The following DENND1B variants were observed in gnomAD, a reference collection of about 807,000 sequenced individuals.
DENND1B encodes the protein DENN domain containing 1B, also known as DENN domain-containing protein 1B.
Under a neutral mutation model 90.1 loss-of-function variants are expected in DENND1B, and 59 were observed. The observed-to-expected ratio is 0.65, with a 90% CI of 0.53 to 0.81. The LOEUF (loss-of-function observed/expected upper bound fraction) is 0.81. DENND1B is among the 40% of genes least tolerant of loss of function. The pLI, the probability that DENND1B is intolerant of heterozygous loss-of-function variation, is 0.00. For synonymous variants in DENND1B, 337 were observed against 324.6 expected, an observed-to-expected ratio of 1.04 and a Z score of -0.41; for missense variants, 862 against 912.6, an observed-to-expected ratio of 0.94 and a Z score of 0.71.
At chr1:197,730,117 T>C (rs889624821) in intron 2 of DENND1B, among the ~76,000 whole-genome samples, 1 of 152,134 alleles carries the variant, frequency 6.6e-6, no homozygotes, top group African/African-American at 2.4e-5. Context: ...TTTTTATGTA[T>C]GGTATAAAAC....
intron 3 of DENND1B, among the ~76,000 whole-genome samples, chr1:197,702,812 T>C (rs1659169096): frequency 6.6e-6 from 1 of 152,204 alleles, no homozygotes; most frequent in South Asian, 2.1e-4. Flanking sequence ...GTTGTTGTTT[T>C]CCTGTAAGAC....
At chr1:197,714,751 TATAG>T (rs1393351995) in intron 3 of DENND1B, among the ~76,000 whole-genome samples, 1 of 152,126 alleles carries the variant, frequency 6.6e-6, no homozygotes, top group Admixed American at 6.5e-5. Context: ...ATATATAGTC[TATAG>T]ATAAATTAAA....
chr1:197,730,003 A>G (rs930883971), intron 2 of DENND1B, among the ~76,000 whole-genome samples: 3 of 152,106 alleles, frequency 2.0e-5, no homozygotes, highest in Non-Finnish European at 4.4e-5. Context: ...TTCTGACCTC[A>G]CAGAACTCCT....
At chr1:197,573,029 T>C (rs1020620327) in intron 15 of DENND1B, among the ~76,000 whole-genome samples, 2 of 152,148 alleles carry the variant, frequency 1.3e-5, no homozygotes, top group South Asian at 2.1e-4. Context: ...TTCTTCTCTC[T>C]TTTTTTCTTT....
chr1:197,522,942 G>C lies in DENND1B; in HGVS notation c.1516-9989C>G, dbSNP rs554280457. 1.1e-4 allele frequency among the ~76,000 whole-genome samples: 16 copies of C among 152,258 alleles called. No individual in the cohort carries two copies. The South Asian group carries it at 3.3e-3, about 32-fold the overall frequency. On this transcript the variant is annotated intron_variant, in intron 20 of 22. Transcript: ENST00000620048. The stretch of plus-strand genomic sequence containing the variant: ...TGGGCTAACATGTCAGCTTAGAATA[G>C]CTGAGCGTCTCAAAGACAGGGGGAG...
intron 3 of DENND1B, among the ~76,000 whole-genome samples, chr1:197,674,499 T>A (rs1655858317): frequency 6.6e-6 from 1 of 152,176 alleles, no homozygotes; most frequent in African/African-American, 2.4e-5. Context: ...AAGCTACGTC[T>A]GCTGCTACTT....
At position 197,511,775 on chromosome 1, in the gene DENND1B, T is replaced by C; in HGVS notation, c.1768A>G (p.Ser590Gly). The C allele has an allele frequency of 6.2e-7, 1 of 1,610,826 alleles. No individual in the cohort carries two copies. Among genetic ancestry groups the C allele is most frequent in the Non-Finnish European group, 8.5e-7 (1 of 1,177,996 alleles). The change falls in exon 22 of 23, where the codon AGC becomes GGC. Residue 590 changes from serine (S) to glycine (G), a missense_variant. By Grantham distance (56) the Ser-to-Gly change is moderately conservative. Transcript: ENST00000620048. ...SDQGKLAAAK[S>G]LDFFRSMDDI... is the part of the protein sequence containing the mutation. ...TCCATTGATCTAAAGAAATCCAAGCTCTTTGCAGCTGCCAGCTTCCCCTGA... is the reference window on the plus strand; with the variant it reads ...TCCATTGATCTAAAGAAATCCAAGCCCTTTGCAGCTGCCAGCTTCCCCTGA...
At chr1:197,542,696 G>A (rs1321566740) in intron 18 of DENND1B, among the ~76,000 whole-genome samples, 1 of 152,042 alleles carries the variant, frequency 6.6e-6, no homozygotes, top group Non-Finnish European at 1.5e-5. Flanking sequence ...GGTCAAAGAA[G>A]GAATTTCAGA....
In DENND1B at chr1:197,770,250, ATTTACAACT is replaced by A. The variant is rs138661971; in HGVS notation, c.82+2609_82+2617del. 4.0e-3 allele frequency among the ~76,000 whole-genome samples: 612 copies of A among 152,288 alleles called. 2 individuals are homozygous for A. The highest frequency in any genetic ancestry group is 6.8e-3 in the Non-Finnish European group (463 of 68,000). On this transcript the variant is annotated intron_variant, in intron 2 of 22. Coordinates refer to ENST00000620048, the MANE Select transcript of DENND1B (RefSeq NM_001195215.2). ...ATTATTTACTTTAACCATTTATCAT[ATTTACAACT>A]TTACCAGGCTAGATATAAACTGTTA...
At chr1:197,655,532 C>CT (rs766590749) in intron 6 of DENND1B, among the ~76,000 whole-genome samples, 4,423 of 142,244 alleles carry the variant, frequency 0.031, 84 homozygotes, top group Non-Finnish European at 0.035. Flanking sequence ...GCTACATTAA[C>CT]TTTTTTTTTT....
intron 2 of DENND1B, among the ~76,000 whole-genome samples, chr1:197,717,802 G>A (rs530598315): frequency 6.6e-6 from 1 of 151,988 alleles, no homozygotes; most frequent in South Asian, 2.1e-4. Flanking sequence ...GAATACCAGT[G>A]TGATTCTACT....
At chr1:197,712,749 C>A (rs371996427) in intron 3 of DENND1B, among the ~76,000 whole-genome samples, 1 of 734 alleles carries the variant, frequency 1.4e-3, no homozygotes, top group African/African-American at 9.8e-3. Flanking sequence ...TAATTAAACT[C>A]AAGAGCTTCT....
At chr1:197,656,246 A>G (rs1027405250) in intron 6 of DENND1B, among the ~76,000 whole-genome samples, 9 of 152,044 alleles carry the variant, frequency 5.9e-5, no homozygotes, top group African/African-American at 2.2e-4. Context: ...ATAACACCAA[A>G]ATTTTAGGTG....
chr1:197,631,206 A>G (rs1458695199), intron 10 of DENND1B, among the ~76,000 whole-genome samples: 1 of 152,096 alleles, frequency 6.6e-6, no homozygotes, highest in Non-Finnish European at 1.5e-5. Context: ...ATTCTGGAGG[A>G]TGAAGGGTTA....
chr1:197,751,331 CG>C (rs1216585886), intron 2 of DENND1B, among the ~76,000 whole-genome samples: 1 of 152,078 alleles, frequency 6.6e-6, no homozygotes, highest in African/African-American at 2.4e-5. Context: ...AAATAACCCA[CG>C]GATCAAGAAA....
At chr1:197,775,892 T>C (rs918863273), upstream of DENND1B, among the ~76,000 whole-genome samples, 6 of 152,204 alleles carry the variant, frequency 3.9e-5, no homozygotes, top group African/African-American at 1.2e-4. Context: ...CCCCTGGCTC[T>C]TGCGTCACTC....
chr1:197,776,957 A>G (rs545619948), upstream of DENND1B, among the ~76,000 whole-genome samples: 2 of 152,354 alleles, frequency 1.3e-5, no homozygotes, highest in East Asian at 3.9e-4. Context: ...ATGTTCAAGT[A>G]AAACAGGTGC....
chr1:197,610,503 T>C (rs1257663345), intron 12 of DENND1B, among the ~76,000 whole-genome samples: 1 of 150,670 alleles, frequency 6.6e-6, no homozygotes, highest in Non-Finnish European at 1.5e-5. Context: ...TAAATATTTT[T>C]CATCTCTATA....
intron 2 of DENND1B, among the ~76,000 whole-genome samples, chr1:197,733,273 CA>C (rs929026378): frequency 1.1e-4 from 16 of 151,250 alleles, no homozygotes; most frequent in Middle Eastern, 3.4e-3. Context: ...AGAATAAGCA[CA>C]AAAAAAAATT....
Sources: gnomAD v4.1 joint callset for allele counts (sites outside exome capture counted in the v4.1 genomes callset) on GRCh38, gnomAD v4.1.1 for gene constraint, MANE v1.5 for transcripts, NCBI Gene and HGNC (gene_info 2026-07-23, HGNC 2026-07-21) for gene names.